The following THRAP3 variants were observed in gnomAD, a reference collection of about 807,000 sequenced individuals.
THRAP3 encodes thyroid hormone receptor-associated protein 3.
A neutral mutation model predicts 101.0 loss-of-function variants in THRAP3; 16 were observed. The observed-to-expected ratio is 0.16, with a 90% confidence interval of 0.11 to 0.24. The LOEUF is 0.24. Ranked by LOEUF, THRAP3 falls within the 10% of genes least tolerant of loss-of-function variation. THRAP3 has a pLI of 1.00. For synonymous variants in THRAP3, 407 were observed against 422.6 expected (o/e 0.96, Z 0.45); for missense variants, 989 against 1,202.7 (o/e 0.82, Z 2.63).
At chr1:36,223,232 G>A (rs953689810), upstream of THRAP3, among the ~76,000 whole-genome samples, 1 of 152,142 alleles carries the variant, frequency 6.6e-6, no homozygotes, top group Non-Finnish European at 1.5e-5. Context: ...GGAAGAAAGA[G>A]TAAGCCGTGT....
intron 1 of THRAP3, among the ~76,000 whole-genome samples, chr1:36,250,035 C>G (rs1474664347): frequency 2.6e-5 from 4 of 151,992 alleles, no homozygotes. Flanking sequence ...GTTGGTTATC[C>G]TGGTGTAACG....
chr1:36,282,254 A>G (rs1238445045), intron 2 of THRAP3, among the ~76,000 whole-genome samples: 9 of 144,954 alleles, frequency 6.2e-5, no homozygotes, highest in African/African-American at 2.3e-4. Context: ...TTTTTTGGAG[A>G]TAGGGTATTG....
intron 2 of THRAP3, among the ~76,000 whole-genome samples, chr1:36,280,794 C>A (rs1368905108): frequency 6.6e-6 from 1 of 151,582 alleles, no homozygotes; most frequent in Non-Finnish European, 1.5e-5. Context: ...GAGAAGTATA[C>A]CTTGTAGACC....
intron 2 of THRAP3, among the ~76,000 whole-genome samples, chr1:36,261,798 G>A (rs1218103210): frequency 6.6e-6 from 1 of 152,186 alleles, no homozygotes; most frequent in Non-Finnish European, 1.5e-5. Context: ...ATCCAAAATG[G>A]TAGTAGATCT....
Position 36,282,626 on chromosome 1 carries a change from A to ATCTCGT in THRAP3, c.72_77dup (p.Arg25_Ser26dup). The stretch of plus-strand genomic sequence containing the variant: ...CTTCTCGCTCAAGATCTGCATCAAG[A>ATCTCGT]TCTCGTTCTCGTTCATTTTCGAAGT... On this transcript the variant is annotated inframe_insertion, in exon 3 of 12. Coordinates refer to ENST00000354618, the MANE Select transcript of THRAP3 (RefSeq NM_005119.4). 1 of 1,613,984 alleles carries ATCTCGT rather than the reference A, an allele frequency of 6.2e-7. No homozygotes were observed. Among genetic ancestry groups the ATCTCGT allele is most frequent in the South Asian group, 1.1e-5 (1 of 91,070 alleles).
chr1:36,229,276 T>G (rs1387694233), intron 1 of THRAP3, among the ~76,000 whole-genome samples: 1 of 151,930 alleles, frequency 6.6e-6, no homozygotes, highest in Non-Finnish European at 1.5e-5. Context: ...TTTTGTATTT[T>G]TAGTAGAGAC....
chr1:36,228,630 C>A (rs560416127), intron 1 of THRAP3, among the ~76,000 whole-genome samples: 1 of 152,198 alleles, frequency 6.6e-6, no homozygotes, highest in South Asian at 2.1e-4. Flanking sequence ...GCTGGGATTA[C>A]AGGCGTGAGC....
At chr1:36,244,578 A>G (rs181453459) in intron 1 of THRAP3, among the ~76,000 whole-genome samples, 10 of 152,286 alleles carry the variant, frequency 6.6e-5, no homozygotes, top group Admixed American at 2.0e-4. Flanking sequence ...CGTCACTTCT[A>G]CGTCTAGTCA....
At chr1:36,293,640 C>CTATGTGTGTGTGTG (rs1553125101) in intron 7 of THRAP3, among the ~76,000 whole-genome samples, 1 of 133,314 alleles carries the variant, frequency 7.5e-6, no homozygotes, top group Non-Finnish European at 1.6e-5. Flanking sequence ...GAACCTGGGA[C>CTATGTGTGTGTGTG]TGTGTGTGTG....
upstream of THRAP3, among the ~76,000 whole-genome samples, chr1:36,223,760 C>G (rs1644923465): frequency 6.6e-6 from 1 of 151,962 alleles, no homozygotes; most frequent in Non-Finnish European, 1.5e-5. Flanking sequence ...GGACGACAGT[C>G]AGAAAATCAT....
chr1:36,302,441 G>C (rs1466530957), intron 11 of THRAP3, among the ~76,000 whole-genome samples: 1 of 152,256 alleles, frequency 6.6e-6, no homozygotes, highest in African/African-American at 2.4e-5. Context: ...GCTGGAAGCT[G>C]CTTTGAGGCT....
chr1:36,217,403 T>TGAGGA, the THRAP3 span, among the ~76,000 whole-genome samples: 9 of 152,016 alleles, frequency 5.9e-5, no homozygotes, highest in African/African-American at 1.9e-4. Flanking sequence ...AGAGGCTGAA[T>TGAGGA]GAGGAGAGGA....
intron 9 of THRAP3, among the ~76,000 whole-genome samples, chr1:36,299,295 C>T (rs919414839): frequency 8.6e-5 from 13 of 151,562 alleles, no homozygotes; most frequent in African/African-American, 2.9e-4. Context: ...AAAAATTAGC[C>T]GGGCATGGTG....
the THRAP3 span, among the ~76,000 whole-genome samples, chr1:36,219,180 C>T: frequency 1.4e-3 from 214 of 152,184 alleles, 5 homozygotes; most frequent in East Asian, 0.034. Flanking sequence ...AAACAAAAGC[C>T]TAATCTAGAA....
chr1:36,303,970 A>T lies in THRAP3; in HGVS notation c.2821A>T (p.Thr941Ser). ...GGAGATTGAAGACGACGAGAGTGGG[A>T]CAGAGAACCGAGAAGAGAAGGACAA... is the stretch of plus-strand genomic sequence containing the variant. ...EGEIEDDESG[T>S]ENREEKDNIQ... Residue 941 changes from threonine (T) to serine (S), a missense_variant, in exon 12 of 12, where the codon ACA becomes TCA. By Grantham distance (58) the Thr-to-Ser change is moderately conservative (BLOSUM62 1). Transcript: ENST00000354618. 2 of 1,606,254 alleles carry T rather than the reference A, an allele frequency of 1.2e-6. No homozygotes were observed. Among genetic ancestry groups the T allele is most frequent in the Non-Finnish European group, 1.7e-6 (2 of 1,176,340 alleles).
At chr1:36,285,105 T>C (rs548697969) in intron 3 of THRAP3, among the ~76,000 whole-genome samples, 42 of 152,262 alleles carry the variant, frequency 2.8e-4, no homozygotes, top group African/African-American at 1.0e-3. Flanking sequence ...TTAAAAATAC[T>C]GTTTTGTTTA....
At chr1:36,285,364 A>G (rs1191673825) in intron 3 of THRAP3, among the ~76,000 whole-genome samples, 1 of 152,234 alleles carries the variant, frequency 6.6e-6, no homozygotes, top group Admixed American at 6.5e-5. Flanking sequence ...AGTGGATCCA[A>G]GAACCCCAAT....
At chr1:36,274,780 G>C (rs185478608) in intron 2 of THRAP3, among the ~76,000 whole-genome samples, 253 of 151,196 alleles carry the variant, frequency 1.7e-3, no homozygotes, top group African/African-American at 5.9e-3. Flanking sequence ...TTATAGGCAC[G>C]CGCCATCACG....
At chr1:36,241,385 G>GTATATATATA (rs1166260923) in intron 1 of THRAP3, among the ~76,000 whole-genome samples, 40 of 8,624 alleles carry the variant, frequency 4.6e-3, no homozygotes, top group African/African-American at 5.8e-3. Context: ...GATAATGGGT[G>GTATATATATA]TATATATATA....
Sources: gnomAD v4.1 joint callset for allele counts (sites outside exome capture counted in the v4.1 genomes callset) on GRCh38, gnomAD v4.1.1 for gene constraint, MANE v1.5 for transcripts, NCBI Gene and HGNC (gene_info 2026-07-23, HGNC 2026-07-21) for gene names.